Variants in DYNC1I1 observed in about 807,000 individuals in gnomAD.
DYNC1I1 encodes dynein cytoplasmic 1 intermediate chain 1.
In DYNC1I1, 43 loss-of-function variants were observed where a neutral mutation model predicts 86.6. The ratio of observed to expected loss-of-function variants is 0.50; its 90% CI spans 0.39 to 0.64. DYNC1I1 has a LOEUF of 0.64. Among genes scored for constraint, DYNC1I1 ranks in the 30% least tolerant of loss-of-function variants. The pLI, the probability that DYNC1I1 is intolerant of heterozygous loss-of-function variation, is 0.00. For missense variants in DYNC1I1, 604 were observed against 788.8 expected (o/e 0.77, Z 2.81); for synonymous variants, 262 against 283.7 (o/e 0.92, Z 0.77).
intron 1 of DYNC1I1, among the ~76,000 whole-genome samples, chr7:95,779,041 C>T (rs554195218): frequency 1.3e-5 from 2 of 152,204 alleles, no homozygotes; most frequent in African/African-American, 4.8e-5. Context: ...TGTCTGGAGA[C>T]ATTTTTTATT....
At chr7:96,026,634 C>A (rs757318293) in intron 10 of DYNC1I1, among the ~76,000 whole-genome samples, 4 of 152,134 alleles carry the variant, frequency 2.6e-5, no homozygotes, top group Non-Finnish European at 4.4e-5. Flanking sequence ...ATCCCCTTCC[C>A]AACCAAAAAA....
At chr7:95,834,844 T>G in intron 5 of DYNC1I1, among the ~76,000 whole-genome samples, 1 of 150,678 alleles carries the variant, frequency 6.6e-6, no homozygotes, top group Non-Finnish European at 1.5e-5. Flanking sequence ...TTATTGTGTC[T>G]ATTTGATTCT....
chr7:95,912,342 G>T (rs1791359931), intron 6 of DYNC1I1, among the ~76,000 whole-genome samples: 1 of 152,188 alleles, frequency 6.6e-6, no homozygotes, highest in South Asian at 2.1e-4. Flanking sequence ...TGGCCCACTT[G>T]AACATCTTGA....
At chr7:95,806,366 G>A (rs916732350) in intron 2 of DYNC1I1, among the ~76,000 whole-genome samples, 3 of 152,090 alleles carry the variant, frequency 2.0e-5, no homozygotes, top group African/African-American at 7.2e-5. Context: ...CACATTTTGG[G>A]GAAATTACAG....
chr7:95,776,006 G>A (rs1207489962), intron 1 of DYNC1I1, among the ~76,000 whole-genome samples: 1 of 152,088 alleles, frequency 6.6e-6, no homozygotes, highest in Non-Finnish European at 1.5e-5. Flanking sequence ...AGCACTTTGG[G>A]AAGCCAAGGC....
intron 9 of DYNC1I1, among the ~76,000 whole-genome samples, chr7:95,988,418 C>T (rs932664917): frequency 3.9e-5 from 6 of 152,040 alleles, no homozygotes; most frequent in Non-Finnish European, 7.4e-5. Flanking sequence ...CCCCATTGCC[C>T]GTAGAAAAGA....
At chr7:96,046,108 C>T (rs533675866) in intron 14 of DYNC1I1, among the ~76,000 whole-genome samples, 1 of 152,276 alleles carries the variant, frequency 6.6e-6, no homozygotes, top group South Asian at 2.1e-4. Context: ...GAGTGGTTTA[C>T]CTGGCAAACA....
intron 6 of DYNC1I1, among the ~76,000 whole-genome samples, chr7:95,897,446 A>AT (rs200728895): frequency 0.13 from 14,080 of 106,234 alleles, 819 homozygotes; most frequent in East Asian, 0.3. Context: ...ATTGACCATG[A>AT]TTTTTTTTTT....
At chr7:95,869,767 A>C in intron 5 of DYNC1I1, 116 bp from the exon 6 acceptor site, 2 of 1,001,456 alleles carry the variant, frequency 2.0e-6, no homozygotes, top group South Asian at 1.5e-5. Context: ...TGCCCCTTGC[A>C]CTCAGAAGCT....
At chr7:96,024,016 G>A (rs1427308414) in intron 10 of DYNC1I1, among the ~76,000 whole-genome samples, 3 of 152,100 alleles carry the variant, frequency 2.0e-5, no homozygotes, top group Admixed American at 6.6e-5. Context: ...TTTGTGTTAT[G>A]TGTGTTGGAA....
At chr7:95,987,645 G>T (rs1685818) in intron 9 of DYNC1I1, among the ~76,000 whole-genome samples, 106,014 of 152,006 alleles carry the variant, frequency 0.7, 37,616 homozygotes, top group East Asian at 0.85. Flanking sequence ...TTCTTCCTGA[G>T]GTGCTCTCTG....
At chr7:95,797,986 A>T (rs1368771595) in intron 1 of DYNC1I1, among the ~76,000 whole-genome samples, 1 of 152,154 alleles carries the variant, frequency 6.6e-6, no homozygotes, top group African/African-American at 2.4e-5. Context: ...TTTTCACAAA[A>T]TGTTAATAAA....
At chr7:96,061,309 G>C (rs1192528439) in intron 14 of DYNC1I1, among the ~76,000 whole-genome samples, 1 of 152,172 alleles carries the variant, frequency 6.6e-6, no homozygotes, top group East Asian at 1.9e-4. Context: ...AGTGTTGGCT[G>C]TGGAATCTGT....
intron 10 of DYNC1I1, among the ~76,000 whole-genome samples, chr7:95,997,168 C>T (rs999291610): frequency 2.6e-5 from 4 of 152,018 alleles, no homozygotes; most frequent in African/African-American, 9.7e-5. Context: ...GGTAAATAAC[C>T]TTTATTTTCT....
intron 5 of DYNC1I1, among the ~76,000 whole-genome samples, chr7:95,847,018 C>G (rs570886126): frequency 6.6e-6 from 1 of 152,294 alleles, no homozygotes; most frequent in African/African-American, 2.4e-5. Flanking sequence ...GCCCTTATCA[C>G]AAACTCATCC....
chr7:95,900,880 G>A (rs1791020682), intron 6 of DYNC1I1, among the ~76,000 whole-genome samples: 1 of 152,142 alleles, frequency 6.6e-6, no homozygotes, highest in Non-Finnish European at 1.5e-5. Context: ...ATTTTAGACT[G>A]TGTTCCTTCT....
At position 96,035,621 on chromosome 7, in the gene DYNC1I1, G is replaced by C; in HGVS notation, c.1233G>C (p.Glu411Asp). The part of the protein sequence containing the change: ...WSLDMLSTPQ[E>D]SMELVYNKSK... ...GTAACCACACCGTGTTTTGGTAGGA[G>C]AGCATGGAGCTGGTGTACAATAAGT... Residue 411 changes from glutamate to aspartate, a missense_variant and splice_region_variant, in exon 13 of 17, where the codon GAG becomes GAC. Coordinates refer to ENST00000447467, the MANE Select transcript of DYNC1I1 (RefSeq NM_001135556.2). 1 of 1,577,840 alleles carries C rather than the reference G, an allele frequency of 6.3e-7. No homozygotes were observed. Among genetic ancestry groups the C allele is most frequent in the Non-Finnish European group, 8.6e-7 (1 of 1,165,552 alleles).
intron 16 of DYNC1I1, among the ~76,000 whole-genome samples, chr7:96,083,132 T>C (rs1394350017): frequency 6.6e-6 from 1 of 152,100 alleles, no homozygotes; most frequent in Admixed American, 6.5e-5. Flanking sequence ...GAGTAGGTAA[T>C]ATTACAATCT....
chr7:95,783,055 G>T (rs1794036277), intron 1 of DYNC1I1, among the ~76,000 whole-genome samples: 2 of 152,270 alleles, frequency 1.3e-5, no homozygotes, highest in Middle Eastern at 3.4e-3. Context: ...GGCGACATTT[G>T]GGCATGAAAA....
Sources: gnomAD v4.1 joint callset for allele counts (sites outside exome capture counted in the v4.1 genomes callset) on GRCh38, gnomAD v4.1.1 for gene constraint, MANE v1.5 for transcripts, NCBI Gene and HGNC (gene_info 2026-07-23, HGNC 2026-07-21) for gene names.